The following HSF5 variants were observed in gnomAD, a reference collection of about 807,000 sequenced individuals.
The protein encoded by HSF5 is heat shock transcription factor 5.
In HSF5, 5 loss-of-function variants were observed where a neutral mutation model predicts 50.8. The observed-to-expected ratio is 0.10, with a 90% confidence interval of 0.05 to 0.21. HSF5 has a LOEUF of 0.21. Ranked by LOEUF, HSF5 falls within the 10% of genes least tolerant of loss-of-function variation. The pLI is 1.00. For missense variants in HSF5, 564 were observed against 762.6 expected, an observed-to-expected ratio of 0.74 and a Z score of 3.07; for synonymous variants, 307 against 307.4, an observed-to-expected ratio of 1.00 and a Z score of 0.02.
intron 3 of HSF5, among the ~76,000 whole-genome samples, 177 bp downstream of exon 3, chr17:58,466,708 G>C (rs1381420254): frequency 6.6e-6 from 1 of 151,756 alleles, no homozygotes; most frequent in Non-Finnish European, 1.5e-5. Context: ...GAAGAATTCT[G>C]AGATATTATT....
At chr17:58,447,180 C>T (rs546792849) in intron 5 of HSF5, among the ~76,000 whole-genome samples, 2 of 152,220 alleles carry the variant, frequency 1.3e-5, no homozygotes, top group South Asian at 4.2e-4. Context: ...TAGTACCAGC[C>T]CCACCACATT....
At chr17:58,485,746 C>CAAA (rs35831142) in intron 1 of HSF5, among the ~76,000 whole-genome samples, 6 of 115,648 alleles carry the variant, frequency 5.2e-5, no homozygotes, top group East Asian at 5.0e-4. Context: ...AACCCTATCT[C>CAAA]AAAAAAAAAA....
chr17:58,446,901 C>A (rs1033393317), intron 5 of HSF5, among the ~76,000 whole-genome samples: 1 of 152,044 alleles, frequency 6.6e-6, no homozygotes, highest in Non-Finnish European at 1.5e-5. Context: ...CCGAGGAGGG[C>A]GGATCATGAG....
At chr17:58,433,644 G>A (rs1474513193) in intron 5 of HSF5, among the ~76,000 whole-genome samples, 1 of 152,204 alleles carries the variant, frequency 6.6e-6, no homozygotes, top group Non-Finnish European at 1.5e-5. Context: ...CCACAAGCCA[G>A]AAGAAAGCAT....
rs1975074150 is a variant in HSF5 at position 58,479,908 on chromosome 17, C to T, written c.910G>A (p.Ala304Thr). 1 of 1,611,732 alleles carries T rather than the reference C, an allele frequency of 6.2e-7. No homozygotes were observed. Among genetic ancestry groups the T allele is most frequent in the South Asian group, 1.1e-5 (1 of 90,876 alleles). ...TTTGTCATACCTGTTGGATAGTAGGCTTGCGAGTACTGTGCTGAGGGTGTG... is the reference window on the plus strand; with the variant it reads ...TTTGTCATACCTGTTGGATAGTAGGTTTGCGAGTACTGTGCTGAGGGTGTG... The part of the protein sequence containing the change: ...NYTPSAQYSQ[A>T]YYPTAVLQCC... Residue 304 changes from alanine to threonine, a missense_variant, in exon 2 of 6, where the codon GCC becomes ACC. Ala to Thr is a moderately conservative substitution (Grantham distance 58). Transcript: ENST00000323777.
rs188560536 is a variant in HSF5, at chr17:58,475,738, G to C, written c.925+4155C>G. Among the ~76,000 whole-genome samples the C allele has an allele frequency of 6.4e-4, 97 of 152,272 alleles. 1 individual carries two copies. The highest frequency in any genetic ancestry group is 2.3e-3 in the African/African-American group (96 of 41,546). On this transcript the variant is annotated intron_variant, in intron 2 of 5. Coordinates refer to ENST00000323777, the MANE Select transcript of HSF5 (RefSeq NM_001080439.3). ...GGTAAATGCTAAATGTTTTCATTCAGAGAAAGGAGGAGAAAAGCTAGAATT... is the reference window on the plus strand; with the variant it reads ...GGTAAATGCTAAATGTTTTCATTCACAGAAAGGAGGAGAAAAGCTAGAATT...
chr17:58,471,396 AG>A (rs1360259814), intron 2 of HSF5, among the ~76,000 whole-genome samples: 1 of 152,190 alleles, frequency 6.6e-6, no homozygotes, highest in East Asian at 1.9e-4. Flanking sequence ...AGCACCAAAA[AG>A]CTCTTATAAT....
At chr17:58,458,651 T>C in intron 5 of HSF5, 117 bp downstream of exon 5, 1 of 728,968 alleles carries the variant, frequency 1.4e-6, no homozygotes, top group East Asian at 2.8e-5. Context: ...AAAACAGCAA[T>C]GTGACAGGTC....
Position 58,422,547 on chromosome 17 carries a change from G to A in HSF5, c.1721-117C>T, listed in dbSNP as rs571683076. The A allele has an allele frequency of 2.0e-4, 135 of 676,818 alleles. No homozygotes were observed. The African/African-American group carries it at 2.3e-3, about 11-fold the overall frequency. 41.9% of individuals were successfully genotyped at this position (676,818 alleles called of 1,614,324 possible). A position where few individuals can be genotyped will look rare whatever the true frequency, so the allele number is the denominator to read the frequency against. On this transcript the variant is annotated intron_variant, in intron 5 of 5. Transcript: ENST00000323777. ...CACCTGTAGAACTGGCTCTAAAATTGTATAGTCCCATCAGATTCTCAATTT... is the reference window on the plus strand; with the variant it reads ...CACCTGTAGAACTGGCTCTAAAATTATATAGTCCCATCAGATTCTCAATTT...
chr17:58,470,205 G>A (rs1050689672), intron 2 of HSF5, among the ~76,000 whole-genome samples: 2 of 152,170 alleles, frequency 1.3e-5, no homozygotes, highest in Admixed American at 6.5e-5. Context: ...ATTTGAAAAG[G>A]TATCTGTACA....
At chr17:58,450,501 C>T (rs1221885533) in intron 5 of HSF5, among the ~76,000 whole-genome samples, 1 of 152,076 alleles carries the variant, frequency 6.6e-6, no homozygotes, top group Non-Finnish European at 1.5e-5. Context: ...CGTCTGTAAT[C>T]CCAGCACTTT....
At chr17:58,467,867 G>A (rs1974889586) in intron 2 of HSF5, among the ~76,000 whole-genome samples, 1 of 152,176 alleles carries the variant, frequency 6.6e-6, no homozygotes, top group Admixed American at 6.5e-5. Flanking sequence ...CTGCTTTTTT[G>A]TAGAGACTCT....
rs1440963132 is a variant in HSF5, at chr17:58,476,319, A to T, written c.925+3574T>A. On this transcript the variant is annotated intron_variant, in intron 2 of 5. Transcript: ENST00000323777. ...ACTGTAATGGGTTTGGCCAAATACC[A>T]TCTTTGATGACCTCTCCTAACTCAT... The T allele has an allele frequency of 4.6e-6, 5 of 1,094,298 alleles. No homozygotes were observed. The East Asian group carries it at 1.2e-4, about 26-fold the overall frequency. 67.8% of individuals were successfully genotyped at this position (1,094,298 alleles called of 1,614,324 possible).
chr17:58,434,257 T>G (rs1974398437), intron 5 of HSF5, among the ~76,000 whole-genome samples: 1 of 152,044 alleles, frequency 6.6e-6, no homozygotes, highest in African/African-American at 2.4e-5. Flanking sequence ...CATGTTTGCA[T>G]GCTGATGGGA....
chr17:58,459,892 T>C (rs1974768091), intron 4 of HSF5, among the ~76,000 whole-genome samples: 1 of 152,210 alleles, frequency 6.6e-6, no homozygotes, highest in South Asian at 2.1e-4. Flanking sequence ...GGCATGATCC[T>C]GTTAGATGGT....
At chr17:58,430,762 T>C (rs1463468453) in intron 5 of HSF5, among the ~76,000 whole-genome samples, 1 of 152,178 alleles carries the variant, frequency 6.6e-6, no homozygotes, top group African/African-American at 2.4e-5. Context: ...TCAGCCTCCA[T>C]AACAGTATAT....
At chr17:58,442,498 T>C (rs918065422) in intron 5 of HSF5, among the ~76,000 whole-genome samples, 6 of 152,164 alleles carry the variant, frequency 3.9e-5, no homozygotes, top group South Asian at 2.1e-4. Flanking sequence ...CTTTTATTGG[T>C]TTGAGGAATT....
chr17:58,450,533 C>T (rs964766648), intron 5 of HSF5, among the ~76,000 whole-genome samples: 12 of 151,624 alleles, frequency 7.9e-5, no homozygotes, highest in African/African-American at 2.9e-4. Flanking sequence ...GCAGGTGGAT[C>T]ACCTGAGGTC....
In HSF5 at chr17:58,422,001, G is replaced by C. The variant is rs1347052038; in HGVS notation, c.*359C>G. 1 of 175,998 alleles carries C rather than the reference G, an allele frequency of 5.7e-6. No individual in the cohort carries two copies. The highest frequency in any genetic ancestry group is 2.4e-5 in the African/African-American group (1 of 42,028). 10.9% of individuals were successfully genotyped at this position (175,998 alleles called of 1,614,324 possible). ...ACTAAAGTTGTGCTGACTACAGTTT[G>C]AGTGGCAAGACAACAAATCAGCACA... On this transcript the variant is annotated 3_prime_UTR_variant, in exon 6 of 6. Coordinates refer to ENST00000323777, the MANE Select transcript of HSF5 (RefSeq NM_001080439.3).
Sources: allele counts gnomAD v4.1 joint callset (sites outside exome capture counted in the v4.1 genomes callset), GRCh38; gene constraint gnomAD v4.1.1; transcripts MANE v1.5; gene names NCBI Gene and HGNC (gene_info 2026-07-23, HGNC 2026-07-21).